SLC15A4: variants seen among roughly 807,000 people sequenced by gnomAD.
SLC15A4 encodes solute carrier family 15 member 4.
In SLC15A4, 26 loss-of-function variants were observed where a neutral mutation model predicts 46.1. That is an observed-to-expected ratio of 0.56 (90% CI 0.41 to 0.78). The LOEUF (loss-of-function observed/expected upper bound fraction) is 0.78, where lower values mean the gene tolerates loss of function less well. SLC15A4 is among the 30% of genes least tolerant of loss of function. The pLI, the probability that SLC15A4 is intolerant of heterozygous loss-of-function variation, is 0.00. For synonymous variants in SLC15A4, 370 were observed against 333.4 expected (o/e 1.11, Z -1.20); for missense variants, 751 against 755.7 (o/e 0.99, Z 0.07).
At position 128,800,981 on chromosome 12, in the gene SLC15A4, A is replaced by G; in HGVS notation, c.1287T>C (p.Leu429=). The G allele has an allele frequency of 6.2e-7, 1 of 1,613,394 alleles. No individual in the cohort carries two copies. The highest frequency in any genetic ancestry group is 1.1e-5 in the South Asian group (1 of 90,918). ...TCTGATTAATGGTTTTCTCTTTAACAAGGTTCAGCCTTTTACTCTCCAAAA... is the reference window on the plus strand; with the variant it reads ...TCTGATTAATGGTTTTCTCTTTAACGAGGTTCAGCCTTTTACTCTCCAAAA... The part of the protein sequence containing the change: ...AGILESKRLN[L]VKEKTINQTI... The change falls in exon 6 of 8, where the codon CTT becomes CTC. Residue 429 remains leucine (L), a synonymous_variant. Transcript: ENST00000266771.
intron 5 of SLC15A4, among the ~76,000 whole-genome samples, chr12:128,802,921 C>T (rs1053530736): frequency 1.3e-5 from 2 of 152,176 alleles, no homozygotes; most frequent in African/African-American, 2.4e-5. Flanking sequence ...AGGATCGGGA[C>T]GGGTGCCCCC....
chr12:128,823,562 T>G lies in SLC15A4; in HGVS notation c.382A>C (p.Thr128Pro), dbSNP rs1000939977. 1.4e-6 allele frequency: 2 copies of G among 1,441,990 alleles called. No individual in the cohort carries two copies. Among genetic ancestry groups the G allele is most frequent in the Admixed American group, 2.8e-5 (1 of 35,658 alleles). The allele number at this position is 1,441,990 out of a possible 1,614,324, so 89.3% of individuals were successfully genotyped here. A position where few individuals can be genotyped will look rare whatever the true frequency, so the allele number is the denominator to read the frequency against. Residue 128 changes from threonine (T) to proline (P), a missense_variant, in exon 1 of 8, where the codon ACG (threonine) becomes CCG (proline). Coordinates refer to ENST00000266771, the MANE Select transcript of SLC15A4 (RefSeq NM_145648.4). The part of the protein sequence containing the change: ...LAFPLLAAPA[T>P]RAALCGSARL... ...GCGGAACCGCAGAGCGCGGCTCGCG[T>G]GGCGGGCGCGGCCAGCAGCGGGAAG... is the stretch of plus-strand genomic sequence containing the variant.
At chr12:128,823,367 G>A in intron 1 of SLC15A4, 31 bp downstream of exon 1, 1 of 1,383,002 alleles carries the variant, frequency 7.2e-7, no homozygotes. Context: ...GCTGGACAGG[G>A]ACAGGGACAG....
chr12:128,799,954 G>T (rs1955495907), intron 6 of SLC15A4, among the ~76,000 whole-genome samples: 2 of 152,148 alleles, frequency 1.3e-5, no homozygotes, highest in African/African-American at 4.8e-5. Flanking sequence ...CGATTCTCCT[G>T]CCTCAGCCTC....
intron 1 of SLC15A4, 52 bp downstream of exon 1, chr12:128,823,346 G>A: frequency 7.5e-7 from 1 of 1,342,044 alleles, no homozygotes; most frequent in South Asian, 1.8e-5. Context: ...AGAGGCTGGG[G>A]CTGGGCAGGG....
intron 4 of SLC15A4, 77 bp from the exon 5 acceptor site, chr12:128,809,033 T>C (rs1414065306): frequency 5.2e-6 from 7 of 1,352,338 alleles, no homozygotes; most frequent in Non-Finnish European, 7.2e-6. Flanking sequence ...AACGTCTCAA[T>C]GGGAGAAATG....
At chr12:128,805,450 A>T (rs2135710690) in intron 5 of SLC15A4, among the ~76,000 whole-genome samples, 1 of 152,364 alleles carries the variant, frequency 6.6e-6, no homozygotes, top group South Asian at 2.1e-4. Context: ...TACATAAAGT[A>T]GTTACCAATA....
chr12:128,799,302 C>T lies in SLC15A4; in HGVS notation c.1530G>A (p.Val510=). 5.0e-6 allele frequency: 8 copies of T among 1,614,144 alleles called. No individual in the cohort carries two copies. The highest frequency in any genetic ancestry group is 5.9e-6 in the Non-Finnish European group (7 of 1,180,036). The part of the protein sequence containing the change: ...SFVGSGLLAL[V]SIKAIGWMSS... The stretch of plus-strand genomic sequence containing the variant: ...TCATCCATCCGATGGCTTTGATAGA[C>T]ACCAGTGCCAGCAGTCCAGAACCCA... The change falls in exon 7 of 8, where the codon GTG becomes GTA. Residue 510 remains valine, a synonymous_variant. Coordinates refer to ENST00000266771, the MANE Select transcript of SLC15A4 (RefSeq NM_145648.4).
At chr12:128,815,135 A>C in intron 1 of SLC15A4, 65 bp from the exon 2 acceptor site, 1 of 1,443,828 alleles carries the variant, frequency 6.9e-7, no homozygotes, top group Non-Finnish European at 9.5e-7. Flanking sequence ...AAAACCATAT[A>C]CGGTCAAGTG....
chr12:128,805,971 G>A (rs1955582040), intron 5 of SLC15A4, among the ~76,000 whole-genome samples: 1 of 151,908 alleles, frequency 6.6e-6, no homozygotes, highest in Non-Finnish European at 1.5e-5. Flanking sequence ...CACGAGGTCA[G>A]GAGATCGAGA....
chr12:128,819,970 CCT>C (rs1266083924), intron 1 of SLC15A4: 1 of 152,306 alleles, frequency 6.6e-6, no homozygotes, highest in Non-Finnish European at 1.5e-5. Context: ...ACCCTCTAGG[CCT>C]CTGTTCCCTG....
intron 1 of SLC15A4, among the ~76,000 whole-genome samples, chr12:128,818,721 A>G (rs147161858): frequency 3.2e-4 from 48 of 152,318 alleles, no homozygotes; most frequent in African/African-American, 1.1e-3. Flanking sequence ...ATCCAAGTCC[A>G]CATTCTCATC....
chr12:128,808,026 T>C (rs1955610255), intron 5 of SLC15A4, among the ~76,000 whole-genome samples: 1 of 152,252 alleles, frequency 6.6e-6, no homozygotes, highest in South Asian at 2.1e-4. Context: ...TAATACATAG[T>C]TGGTTCAAGA....
In SLC15A4 at chr12:128,798,260, C is replaced by A. The variant is rs73436433; in HGVS notation, c.1573+999G>T. Among the ~76,000 whole-genome samples the A allele has an allele frequency of 3.9e-3, 594 of 152,332 alleles. 2 individuals are homozygous for A. The highest frequency in any genetic ancestry group is 0.014 in the African/African-American group (566 of 41,562). Reference sequence around the variant, plus strand: ...CCACAAGAGGATCTTATTCCTCGGGCTGTTCATCTTCAGGAGAAGGTGGGA... The same window carrying A: ...CCACAAGAGGATCTTATTCCTCGGGATGTTCATCTTCAGGAGAAGGTGGGA... On this transcript the variant is annotated intron_variant, in intron 7 of 7. Coordinates refer to ENST00000266771, the MANE Select transcript of SLC15A4 (RefSeq NM_145648.4).
intron 2 of SLC15A4, among the ~76,000 whole-genome samples, chr12:128,812,626 C>T (rs993150779): frequency 3.9e-5 from 6 of 152,298 alleles, no homozygotes; most frequent in African/African-American, 1.4e-4. Context: ...TGGAGGCCCA[C>T]CTTTTTTAAG....
intron 7 of SLC15A4, among the ~76,000 whole-genome samples, chr12:128,796,211 G>A (rs1955440188): frequency 6.6e-6 from 1 of 152,034 alleles, no homozygotes; most frequent in South Asian, 2.1e-4. Flanking sequence ...ATCAACTGAG[G>A]TCAGGAATTC....
chr12:128,799,243 G>A lies in SLC15A4; in HGVS notation c.1573+16C>T. On this transcript the variant is annotated intron_variant, in intron 7 of 7. Transcript: ENST00000266771. ...TCACTGGCTATTTTCAAAAGGGACA[G>A]GATGCTGGCTCTTACCAAAGTCTGT... 1.9e-6 allele frequency: 3 copies of A among 1,613,898 alleles called. No homozygotes were observed. The highest frequency in any genetic ancestry group is 2.5e-6 in the Non-Finnish European group (3 of 1,179,906).
chr12:128,820,184 C>G (rs1955813660), intron 1 of SLC15A4, among the ~76,000 whole-genome samples: 1 of 152,206 alleles, frequency 6.6e-6, no homozygotes, highest in Non-Finnish European at 1.5e-5. Context: ...GGCCAAGAGC[C>G]TGGGCCTTGA....
At chr12:128,808,268 T>A (rs1955612760) in intron 5 of SLC15A4, among the ~76,000 whole-genome samples, 1 of 152,170 alleles carries the variant, frequency 6.6e-6, no homozygotes, top group Non-Finnish European at 1.5e-5. Flanking sequence ...TCTTATCAGG[T>A]TTATCTGTAG....
Sources: allele counts gnomAD v4.1 joint callset (sites outside exome capture counted in the v4.1 genomes callset), GRCh38; gene constraint gnomAD v4.1.1; transcripts MANE v1.5; gene names NCBI Gene and HGNC (gene_info 2026-07-23, HGNC 2026-07-21).